NAALADL2: variants seen among roughly 807,000 people sequenced by gnomAD.
The protein encoded by NAALADL2 is inactive N-acetylated-alpha-linked acidic dipeptidase-like protein 2.
NAALADL2 carries 76 observed loss-of-function variants against 87.2 expected under a neutral mutation model. That is an observed-to-expected ratio of 0.87 (90% CI 0.72 to 1.05). The LOEUF (loss-of-function observed/expected upper bound fraction) is 1.05. NAALADL2 is among the 50% of genes least tolerant of loss of function. The pLI is 0.00. For synonymous variants in NAALADL2, 354 were observed against 331.0 expected (o/e 1.07, Z -0.75); for missense variants, 1,089 against 945.8 (o/e 1.15, Z -1.99).
intron 11 of NAALADL2, among the ~76,000 whole-genome samples, chr3:175,709,266 C>G (rs955425169): frequency 3.3e-5 from 5 of 151,930 alleles, no homozygotes; most frequent in African/African-American, 1.2e-4. Context: ...GAATAGTTTC[C>G]ATAGATAAAC....
intron 1 of NAALADL2, among the ~76,000 whole-genome samples, chr3:174,516,982 A>G (rs904995451): frequency 5.9e-5 from 9 of 151,984 alleles, no homozygotes; most frequent in African/African-American, 2.2e-4. Context: ...TAGGTTTTAA[A>G]AACATATTTT....
chr3:175,272,846 T>G (rs1324389052), intron 4 of NAALADL2, among the ~76,000 whole-genome samples: 1 of 152,074 alleles, frequency 6.6e-6, no homozygotes, highest in Admixed American at 6.6e-5. Flanking sequence ...GAACCTGATA[T>G]TTTACTTTTA....
intron 12 of NAALADL2, among the ~76,000 whole-genome samples, chr3:175,742,292 T>G (rs1561069590): frequency 6.6e-6 from 1 of 152,228 alleles, no homozygotes; most frequent in Non-Finnish European, 1.5e-5. Context: ...AGCTTGACTT[T>G]CCCCTTTGGC....
chr3:175,206,260 ATATTTTTTTT>A (rs1187105618), intron 2 of NAALADL2, among the ~76,000 whole-genome samples: 12 of 92,662 alleles, frequency 1.3e-4, no homozygotes, highest in African/African-American at 5.8e-4. Context: ...ATATATATAT[ATATTTTTTTT>A]TTTCACTGTG....
At chr3:175,246,339 C>T (rs771678181) in intron 3 of NAALADL2, among the ~76,000 whole-genome samples, 1 of 152,084 alleles carries the variant, frequency 6.6e-6, no homozygotes, top group Non-Finnish European at 1.5e-5. Context: ...ATCAGAAATG[C>T]TTGGGTTTAT....
intron 2 of NAALADL2, among the ~76,000 whole-genome samples, chr3:174,695,360 G>A (rs1728923554): frequency 6.6e-6 from 1 of 151,974 alleles, no homozygotes; most frequent in Non-Finnish European, 1.5e-5. Flanking sequence ...TACAGGGTAA[G>A]TACAGGAGTT....
At chr3:174,715,952 AT>A (rs1695578334) in intron 2 of NAALADL2, among the ~76,000 whole-genome samples, 2 of 151,842 alleles carry the variant, frequency 1.3e-5, no homozygotes, top group South Asian at 2.1e-4. Flanking sequence ...AATTCATTAC[AT>A]TTTTTTCTTT....
chr3:175,014,336 C>T (rs1246131375), intron 1 of NAALADL2, among the ~76,000 whole-genome samples: 3 of 152,068 alleles, frequency 2.0e-5, no homozygotes, highest in African/African-American at 7.2e-5. Flanking sequence ...CTACCTGCAC[C>T]CCCATCCCTA....
chr3:174,818,080 C>T (rs368889808), intron 3 of NAALADL2, among the ~76,000 whole-genome samples: 8 of 152,174 alleles, frequency 5.3e-5, no homozygotes, highest in African/African-American at 1.4e-4. Flanking sequence ...TTGTTAGTAC[C>T]GGGTTGCAGG....
chr3:175,223,291 C>G (rs1015205101), intron 2 of NAALADL2, among the ~76,000 whole-genome samples: 1 of 151,038 alleles, frequency 6.6e-6, no homozygotes, highest in Non-Finnish European at 1.5e-5. Context: ...CCACCATATA[C>G]CCCTACCTCC....
intron 1 of NAALADL2, among the ~76,000 whole-genome samples, chr3:174,548,255 A>G (rs1029630026): frequency 6.6e-6 from 1 of 152,312 alleles, no homozygotes; most frequent in African/African-American, 2.4e-5. Flanking sequence ...GCTCTTAAAC[A>G]TTATGTTTTT....
At chr3:174,984,138 G>A (rs1228164057) in intron 1 of NAALADL2, among the ~76,000 whole-genome samples, 1 of 151,966 alleles carries the variant, frequency 6.6e-6, no homozygotes, top group South Asian at 2.1e-4. Flanking sequence ...CAATAACAAC[G>A]TATTTCAAAT....
rs1009440952 is a variant in NAALADL2 at position 174,879,281 on chromosome 3, A to C, written c.43+19831A>C. 3.9e-5 allele frequency among the ~76,000 whole-genome samples: 6 copies of C among 152,116 alleles called. No homozygotes were observed. The South Asian group carries it at 6.2e-4, about 16-fold the overall frequency. ...AGTTTTAATTGCAAAGATGAAGAAG[A>C]AGCCTAATTTTACTCCTTCTTAATT... On this transcript the variant is annotated intron_variant, in intron 1 of 13. Transcript: ENST00000454872.
chr3:175,137,594 C>A (rs6650903), intron 2 of NAALADL2, among the ~76,000 whole-genome samples: 48,601 of 147,444 alleles, frequency 0.33, 8,145 homozygotes, highest in South Asian at 0.45. Flanking sequence ...ATTAATATGA[C>A]AAGAGATTGA....
chr3:174,618,670 AC>A (rs1348854926), intron 2 of NAALADL2, among the ~76,000 whole-genome samples: 1 of 151,814 alleles, frequency 6.6e-6, no homozygotes, highest in East Asian at 1.9e-4. Context: ...TTTCTTTATA[AC>A]TTCTACTTTA....
intron 2 of NAALADL2, among the ~76,000 whole-genome samples, chr3:175,109,295 C>T (rs1026614249): frequency 6.6e-6 from 1 of 151,674 alleles, no homozygotes. Context: ...AGCCTATCAT[C>T]GCAAGATGCA....
chr3:174,697,093 T>G (rs1379636882), intron 2 of NAALADL2, among the ~76,000 whole-genome samples: 2 of 148,286 alleles, frequency 1.3e-5, no homozygotes, highest in Non-Finnish European at 3.0e-5. Context: ...ACTTGGAAAA[T>G]AGTTTGTATG....
At chr3:174,968,682 G>C (rs1579779471) in intron 1 of NAALADL2, among the ~76,000 whole-genome samples, 1 of 152,232 alleles carries the variant, frequency 6.6e-6, no homozygotes, top group East Asian at 1.9e-4. Context: ...GTTTCACCAA[G>C]TTGACCAGGC....
At chr3:174,652,697 G>A (rs143949576) in intron 2 of NAALADL2, among the ~76,000 whole-genome samples, 8 of 152,026 alleles carry the variant, frequency 5.3e-5, no homozygotes, top group African/African-American at 1.9e-4. Context: ...GATTTGGGTG[G>A]GACACAGCCA....
Sources: allele counts gnomAD v4.1 joint callset (sites outside exome capture counted in the v4.1 genomes callset), GRCh38; gene constraint gnomAD v4.1.1; transcripts MANE v1.5; gene names NCBI Gene and HGNC (gene_info 2026-07-23, HGNC 2026-07-21).